NAA15: variants seen among roughly 807,000 people sequenced by gnomAD.
The protein encoded by NAA15 is N-terminal acetyltransferase.
In NAA15, 34 loss-of-function variants were observed where a neutral mutation model predicts 114.0. The observed-to-expected ratio is 0.30, with a 90% CI of 0.23 to 0.40. The LOEUF (loss-of-function observed/expected upper bound fraction) is 0.40, where lower values mean the gene tolerates loss of function less well. Ranked by LOEUF, NAA15 falls within the 10% of genes least tolerant of loss-of-function variation. The probability of loss-of-function intolerance (pLI) is 1.00; values close to 1 mark genes in which losing one functional copy is unlikely to be tolerated. For missense variants in NAA15, 658 were observed against 1,004.5 expected (o/e 0.66, Z 4.66); for synonymous variants, 340 against 338.0 (o/e 1.01, Z -0.06).
At chr4:139,302,511 C>G (rs919432124) in intron 1 of NAA15, 1 of 152,172 alleles carries the variant, frequency 6.6e-6, no homozygotes, top group African/African-American at 2.4e-5. Flanking sequence ...TCTTAGTTTC[C>G]GAGCGGGAAA....
intron 1 of NAA15, among the ~76,000 whole-genome samples, chr4:139,312,358 C>G (rs748202524): frequency 1.3e-5 from 2 of 151,830 alleles, no homozygotes; most frequent in Non-Finnish European, 2.9e-5. Flanking sequence ...CCCTGAAATG[C>G]CAGCTGTAGG....
chr4:139,381,729 A>T (rs1235575851), intron 17 of NAA15, among the ~76,000 whole-genome samples: 2 of 152,138 alleles, frequency 1.3e-5, no homozygotes, highest in Non-Finnish European at 2.9e-5. Flanking sequence ...AGCTAGCCTG[A>T]GAACCCTGTG....
At chr4:139,360,229 C>A (rs1459215917) in intron 12 of NAA15, among the ~76,000 whole-genome samples, 1 of 151,920 alleles carries the variant, frequency 6.6e-6, no homozygotes, top group Non-Finnish European at 1.5e-5. Flanking sequence ...ATTATGTAGA[C>A]CTTTGAAACT....
chr4:139,381,254 T>C (rs913654718), intron 17 of NAA15, among the ~76,000 whole-genome samples: 2 of 152,198 alleles, frequency 1.3e-5, no homozygotes, highest in Non-Finnish European at 2.9e-5. Flanking sequence ...TTTATGATTT[T>C]AAATTTTAAA....
intron 17 of NAA15, among the ~76,000 whole-genome samples, chr4:139,381,845 ATTCCAG>A (rs1433242354): frequency 6.6e-6 from 1 of 152,190 alleles, no homozygotes; most frequent in Non-Finnish European, 1.5e-5. Flanking sequence ...TGAACCAAAC[ATTCCAG>A]TTTAAGATGT....
Position 139,390,654 on chromosome 4 carries a change from C to G in NAA15, c.*2570C>G, listed in dbSNP as rs1054393473. 5.9e-5 allele frequency: 9 copies of G among 152,530 alleles called. No homozygotes were observed. The highest frequency in any genetic ancestry group is 2.2e-4 in the African/African-American group (9 of 41,454). The allele number at this position is 152,530 out of a possible 1,614,324, so 9.4% of individuals were successfully genotyped here. A position where few individuals can be genotyped will look rare whatever the true frequency, so the allele number is the denominator to read the frequency against. ...TTTCTTTATATTCAGCTACTCTTGTCATTTCTCGTTGAAAAACTAAAATCT... is the reference window on the plus strand; with the variant it reads ...TTTCTTTATATTCAGCTACTCTTGTGATTTCTCGTTGAAAAACTAAAATCT... On this transcript the variant is annotated 3_prime_UTR_variant, in exon 20 of 20. Transcript: ENST00000296543.
chr4:139,305,631 G>A (rs1745986968), intron 1 of NAA15, among the ~76,000 whole-genome samples: 1 of 149,724 alleles, frequency 6.7e-6, no homozygotes, highest in Admixed American at 6.7e-5. Flanking sequence ...TCTGTCTCCC[G>A]GGTTCAAGCA....
intron 1 of NAA15, among the ~76,000 whole-genome samples, chr4:139,333,082 G>A (rs951647160): frequency 5.3e-5 from 8 of 151,956 alleles, no homozygotes; most frequent in African/African-American, 1.7e-4. Flanking sequence ...TGTAAATACT[G>A]TGTAAATAGT....
At position 139,343,142 on chromosome 4, in the gene NAA15, A is replaced by G. The variant is rs1747469332; in HGVS notation, c.537+182A>G. On this transcript the variant is annotated intron_variant, in intron 5 of 19. Coordinates refer to ENST00000296543, the MANE Select transcript of NAA15 (RefSeq NM_057175.5). Reference sequence around the variant, plus strand: ...TAAACTAATTGTTAATATTTGGTGCATTTACTTTAAAATTTGTGTATCTAT... The same window carrying G: ...TAAACTAATTGTTAATATTTGGTGCGTTTACTTTAAAATTTGTGTATCTAT... Among the ~76,000 whole-genome samples, 6 of 152,190 alleles carry G rather than the reference A, an allele frequency of 3.9e-5. No homozygotes were observed. In the South Asian group the frequency reaches 1.2e-3, roughly 31 times the overall value.
In NAA15 at chr4:139,370,239, G is replaced by A. The variant is rs766493102; in HGVS notation, c.1782G>A (p.Lys594=). The A allele has an allele frequency of 6.4e-7, 1 of 1,554,170 alleles. No homozygotes were observed. The highest frequency in any genetic ancestry group is 1.2e-5 in the South Asian group (1 of 80,024). ...ACATGTCTGACAAAGAGCTAAAGAA[G>A]CTACGTAATAAACAAAGAAGAGCTC... is the stretch of plus-strand genomic sequence containing the variant. ...TANMSDKELK[K]LRNKQRRAQK... Residue 594 remains lysine (K), a synonymous_variant, in exon 15 of 20, where the codon AAG becomes AAA. Transcript: ENST00000296543.
intron 9 of NAA15, among the ~76,000 whole-genome samples, chr4:139,353,055 A>G (rs973321862): frequency 6.6e-6 from 1 of 152,026 alleles, no homozygotes; most frequent in African/African-American, 2.4e-5. Context: ...TATTTTTATG[A>G]TTTTCTTCTA....
intron 17 of NAA15, among the ~76,000 whole-genome samples, chr4:139,384,533 A>G (rs1748838634): frequency 1.3e-5 from 2 of 152,122 alleles, no homozygotes; most frequent in Non-Finnish European, 2.9e-5. Context: ...TTAAATTATC[A>G]GTAGGTTTTA....
At chr4:139,371,979 G>C (rs113553316) in intron 15 of NAA15, among the ~76,000 whole-genome samples, 3 of 152,096 alleles carry the variant, frequency 2.0e-5, no homozygotes, top group African/African-American at 4.8e-5. Context: ...GCAGTGGCGC[G>C]ATCTCGGCTC....
At chr4:139,327,308 G>C (rs1746834907) in intron 1 of NAA15, among the ~76,000 whole-genome samples, 1 of 152,148 alleles carries the variant, frequency 6.6e-6, no homozygotes, top group Non-Finnish European at 1.5e-5. Context: ...GGAGTACAGT[G>C]GTGCAATTTC....
intron 1 of NAA15, among the ~76,000 whole-genome samples, chr4:139,312,460 G>A (rs925603538): frequency 6.6e-6 from 1 of 151,814 alleles, no homozygotes; most frequent in South Asian, 2.1e-4. Flanking sequence ...GTTGCCTGTG[G>A]TTTTTTTCCT....
chr4:139,376,497 C>T (rs769701101), intron 16 of NAA15, 24 bp downstream of exon 16: 2 of 1,319,150 alleles, frequency 1.5e-6, no homozygotes, highest in Non-Finnish European at 2.2e-6. Flanking sequence ...GTACAGTGGC[C>T]CTGACAAAAC....
At chr4:139,313,254 C>T (rs549682798) in intron 1 of NAA15, among the ~76,000 whole-genome samples, 1 of 151,974 alleles carries the variant, frequency 6.6e-6, no homozygotes, top group African/African-American at 2.4e-5. Flanking sequence ...TTTTTTTCCT[C>T]TCACAATAAA....
Position 139,337,735 on chromosome 4 carries a change from C to G in NAA15, c.244+783C>G, listed in dbSNP as rs539338918. On this transcript the variant is annotated intron_variant, in intron 3 of 19. Coordinates refer to ENST00000296543, the MANE Select transcript of NAA15 (RefSeq NM_057175.5). ...AATTAGCAATTTTTCAGATGTTTAC[C>G]AGGCCCTTGGCTTAGTACAGACAAA... 1.6e-4 allele frequency among the ~76,000 whole-genome samples: 24 copies of G among 152,212 alleles called. 1 individual carries two copies. In the East Asian group the frequency reaches 3.5e-3, roughly 22 times the overall value.
chr4:139,348,452 C>CA (rs35328479), intron 6 of NAA15, among the ~76,000 whole-genome samples: 1,567 of 87,938 alleles, frequency 0.018, 13 homozygotes, highest in East Asian at 0.047. Flanking sequence ...GACTGTATCA[C>CA]AAAAAAAAAA....
Sources: allele counts gnomAD v4.1 joint callset (sites outside exome capture counted in the v4.1 genomes callset), GRCh38; gene constraint gnomAD v4.1.1; transcripts MANE v1.5; gene names NCBI Gene and HGNC (gene_info 2026-07-23, HGNC 2026-07-21).